CEP83: variants seen among roughly 807,000 people sequenced by gnomAD.
The protein encoded by CEP83 is centrosomal protein 83.
A neutral mutation model predicts 101.9 loss-of-function variants in CEP83; 70 were observed. The observed-to-expected ratio is 0.69, with a 90% CI of 0.57 to 0.84. The LOEUF is 0.84. Ranked by LOEUF, CEP83 falls within the 40% of genes least tolerant of loss-of-function variation. The probability of loss-of-function intolerance (pLI) is 0.00; values close to 1 mark genes in which losing one functional copy is unlikely to be tolerated. For missense variants in CEP83, 715 were observed against 787.2 expected (o/e 0.91, Z 1.10); for synonymous variants, 264 against 267.9 (o/e 0.99, Z 0.14).
intron 2 of CEP83, chr12:94,424,176 G>T: frequency 6.2e-7 from 1 of 1,604,822 alleles, no homozygotes; most frequent in East Asian, 2.2e-5. Flanking sequence ...ATGTTATAAG[G>T]GGCTGGGTAA....
chr12:94,275,256 A>G, the CEP83 span, among the ~76,000 whole-genome samples: 1 of 152,250 alleles, frequency 6.6e-6, no homozygotes. Flanking sequence ...ATTATCTGAG[A>G]ACAAGGACTA....
At chr12:94,388,952 C>T (rs1050830312) in intron 6 of CEP83, among the ~76,000 whole-genome samples, 2 of 152,020 alleles carry the variant, frequency 1.3e-5, no homozygotes, top group African/African-American at 4.8e-5. Context: ...CATGACGAAA[C>T]CCCACCTCTA....
the CEP83 span, among the ~76,000 whole-genome samples, chr12:94,265,972 G>A: frequency 3.6e-4 from 55 of 152,224 alleles, no homozygotes; most frequent in Non-Finnish European, 5.9e-4. Context: ...ATGCTTTTCT[G>A]TTAGTAGAGA....
At chr12:94,352,411 C>T (rs1468288188) in intron 11 of CEP83, among the ~76,000 whole-genome samples, 8 of 136,440 alleles carry the variant, frequency 5.9e-5, no homozygotes, top group Non-Finnish European at 1.1e-4. Flanking sequence ...CAGTGTGAGA[C>T]TTTGTCTCAA....
chr12:94,379,049 A>G lies in CEP83; in HGVS notation c.550-7T>C. 6.3e-7 allele frequency: 1 copy of G among 1,586,254 alleles called. No individual in the cohort carries two copies. The highest frequency in any genetic ancestry group is 8.6e-7 in the Non-Finnish European group (1 of 1,162,362). On this transcript the variant is annotated splice_polypyrimidine_tract_variant and splice_region_variant and intron_variant, in intron 6 of 16. Transcript: ENST00000397809. ...CTTCCTCCAGTCTTGCAATCTAATA[A>G]TAATTTTAAAGAAAGCATACAAGGT...
downstream of CEP83, chr12:94,305,167 C>CTAA (rs773351182): frequency 2.0e-6 from 3 of 1,538,346 alleles, no homozygotes; most frequent in East Asian, 6.9e-5. Flanking sequence ...AATAACTGTT[C>CTAA]TAATTGTCAA....
chr12:94,331,194 G>C (rs924083287), intron 14 of CEP83, among the ~76,000 whole-genome samples: 5 of 148,784 alleles, frequency 3.4e-5, no homozygotes, highest in Non-Finnish European at 7.4e-5. Flanking sequence ...GAAAGGCTGA[G>C]GTATGAGAAT....
intron 2 of CEP83, among the ~76,000 whole-genome samples, chr12:94,418,960 G>A (rs943091525): frequency 7.2e-5 from 11 of 151,856 alleles, no homozygotes; most frequent in African/African-American, 2.7e-4. Flanking sequence ...TTTTCTGAGA[G>A]TGTGATCAAA....
Position 94,453,213 on chromosome 12 carries a change from C to T in CEP83, c.-155+6344G>A, listed in dbSNP as rs951373773. On this transcript the variant is annotated intron_variant, in intron 1 of 16. Coordinates refer to ENST00000397809, the MANE Select transcript of CEP83 (RefSeq NM_016122.3). ...GGTGTTCACAAGCTCTCTTCTGATT[C>T]TACACAACTCTCACTAGGAACCTCA... Among the ~76,000 whole-genome samples the T allele has an allele frequency of 1.1e-4, 17 of 152,310 alleles. No homozygotes were observed. In the East Asian group the frequency reaches 2.7e-3, roughly 24 times the overall value.
At chr12:94,318,980 A>G (rs1460905798) in intron 14 of CEP83, among the ~76,000 whole-genome samples, 1 of 152,186 alleles carries the variant, frequency 6.6e-6, no homozygotes, top group East Asian at 1.9e-4. Flanking sequence ...TTTCAGGAGA[A>G]GCAGTACCAG....
chr12:94,425,137 T>C (rs2065098612), intron 2 of CEP83, among the ~76,000 whole-genome samples: 1 of 145,412 alleles, frequency 6.9e-6, no homozygotes, highest in African/African-American at 2.6e-5. Context: ...AGGAGAGAGA[T>C]GAAGGGGGGC....
chr12:94,451,849 A>T (rs2067275147), intron 1 of CEP83, among the ~76,000 whole-genome samples: 1 of 152,180 alleles, frequency 6.6e-6, no homozygotes, highest in African/African-American at 2.4e-5. Flanking sequence ...ATTACAGACA[A>T]ATCTTCATAG....
chr12:94,420,676 G>C (rs1202750283), intron 2 of CEP83, among the ~76,000 whole-genome samples: 1 of 151,916 alleles, frequency 6.6e-6, no homozygotes, highest in Non-Finnish European at 1.5e-5. Context: ...TGTGGCCCAG[G>C]GAAGCCGAAA....
At chr12:94,289,030 T>C in the CEP83 span, among the ~76,000 whole-genome samples, 4 of 152,208 alleles carry the variant, frequency 2.6e-5, no homozygotes, top group African/African-American at 9.6e-5. Flanking sequence ...AAATTGTCAA[T>C]AGGTGACCAT....
the CEP83 span, among the ~76,000 whole-genome samples, chr12:94,285,327 T>G: frequency 6.6e-6 from 1 of 152,194 alleles, no homozygotes; most frequent in African/African-American, 2.4e-5. Flanking sequence ...GAGCAGAGCT[T>G]CTTAGACAAT....
intron 2 of CEP83, among the ~76,000 whole-genome samples, chr12:94,430,665 G>A (rs895635786): frequency 6.6e-6 from 1 of 152,082 alleles, no homozygotes; most frequent in African/African-American, 2.4e-5. Context: ...AGTCTCATAA[G>A]GCAAAGAGAA....
At chr12:94,277,602 G>T in the CEP83 span, among the ~76,000 whole-genome samples, 2 of 152,164 alleles carry the variant, frequency 1.3e-5, no homozygotes, top group African/African-American at 4.8e-5. Flanking sequence ...GCTTGCGGTG[G>T]ACTGGGATGA....
chr12:94,278,224 T>C, the CEP83 span: 105 of 361,524 alleles, frequency 2.9e-4, no homozygotes, highest in African/African-American at 2.1e-3. Context: ...CATTAAATAA[T>C]TGTGCATTTC....
chr12:94,443,639 T>C (rs1198043188), intron 1 of CEP83, among the ~76,000 whole-genome samples: 1 of 151,966 alleles, frequency 6.6e-6, no homozygotes, highest in African/African-American at 2.4e-5. Flanking sequence ...ATTACAGGCA[T>C]GCACCACGCC....
Sources: gnomAD v4.1 joint callset for allele counts (sites outside exome capture counted in the v4.1 genomes callset) on GRCh38, gnomAD v4.1.1 for gene constraint, MANE v1.5 for transcripts, NCBI Gene and HGNC (gene_info 2026-07-23, HGNC 2026-07-21) for gene names.